Variants in AMD1 observed in about 807,000 individuals in gnomAD.
The protein encoded by AMD1 is S-adenosylmethionine decarboxylase proenzyme.
Under a neutral mutation model 40.2 loss-of-function variants are expected in AMD1, and 11 were observed. The ratio of observed to expected loss-of-function variants is 0.27; its 90% CI spans 0.17 to 0.45. AMD1 has a LOEUF of 0.45. Among genes scored for constraint, AMD1 ranks in the 20% least tolerant of loss-of-function variants. The pLI is 1.00. For synonymous variants in AMD1, 121 were observed against 130.8 expected (o/e 0.93, Z 0.51); for missense variants, 257 against 410.2 (o/e 0.63, Z 3.23).
the AMD1 span, among the ~76,000 whole-genome samples, chr6:110,826,868 T>C: frequency 6.6e-6 from 1 of 151,854 alleles, no homozygotes; most frequent in Non-Finnish European, 1.5e-5. Context: ...ATTTTTGTAT[T>C]CTTAGTAGCG....
chr6:110,892,094 G>C (rs1786053877), intron 4 of AMD1, 67 bp from the exon 5 acceptor site: 2 of 1,520,382 alleles, frequency 1.3e-6, no homozygotes, highest in Non-Finnish European at 1.8e-6. Context: ...TATTGTGGAA[G>C]GGTAGTAACA....
chr6:110,838,597 G>C, the AMD1 span, among the ~76,000 whole-genome samples: 1 of 150,350 alleles, frequency 6.7e-6, no homozygotes, highest in Non-Finnish European at 1.5e-5. Flanking sequence ...AGTGGGTCAC[G>C]CCTGTAATCC....
At chr6:110,875,527 T>G in intron 1 of AMD1, 1 of 249,706 alleles carries the variant, frequency 4.0e-6, no homozygotes. Context: ...CGGGGTGGTT[T>G]TGCGGCCCGC....
intron 1 of AMD1, among the ~76,000 whole-genome samples, chr6:110,883,224 G>A (rs1785500258): frequency 6.6e-6 from 1 of 152,200 alleles, no homozygotes; most frequent in Admixed American, 6.5e-5. Flanking sequence ...GCATTGTTGA[G>A]CAGCTATCCA....
intron 1 of AMD1, among the ~76,000 whole-genome samples, chr6:110,885,427 T>G (rs139007722): frequency 2.9e-5 from 3 of 103,462 alleles, no homozygotes; most frequent in African/African-American, 1.1e-4. Context: ...TTTTGTTGTT[T>G]TTGTTTTGTT....
chr6:110,877,909 T>G (rs1785200822), intron 1 of AMD1, among the ~76,000 whole-genome samples: 1 of 152,122 alleles, frequency 6.6e-6, no homozygotes, highest in South Asian at 2.1e-4. Context: ...TAAAAACGAT[T>G]AAGAGAATGA....
At chr6:110,822,305 T>C in the AMD1 span, among the ~76,000 whole-genome samples, 1 of 152,128 alleles carries the variant, frequency 6.6e-6, no homozygotes, top group African/African-American at 2.4e-5. Context: ...TATGAACAAC[T>C]CTGTGCACAC....
chr6:110,831,244 T>C, the AMD1 span, among the ~76,000 whole-genome samples: 25 of 151,836 alleles, frequency 1.6e-4, no homozygotes, highest in Middle Eastern at 3.4e-3. Context: ...TCAAGACCAG[T>C]CTGGCCAACA....
chr6:110,858,120 A>G, the AMD1 span: 1 of 524,288 alleles, frequency 1.9e-6, no homozygotes, highest in Non-Finnish European at 3.6e-6. Flanking sequence ...CTGGGATTAC[A>G]ACTGTGAGCC....
the AMD1 span, among the ~76,000 whole-genome samples, chr6:110,832,977 C>G: frequency 6.6e-6 from 1 of 152,236 alleles, no homozygotes; most frequent in South Asian, 2.1e-4. Context: ...CCCACCACCA[C>G]GCCTGGCCAA....
the AMD1 span, among the ~76,000 whole-genome samples, chr6:110,867,400 C>G: frequency 2.6e-5 from 4 of 152,094 alleles, no homozygotes; most frequent in Non-Finnish European, 4.4e-5. Context: ...TGTGGTGGCT[C>G]ACACCTGTAA....
the AMD1 span, among the ~76,000 whole-genome samples, chr6:110,817,163 G>A: frequency 3.3e-5 from 5 of 152,294 alleles, 2 homozygotes; most frequent in South Asian, 1.0e-3. Context: ...GGAGGACAAA[G>A]AAGGGAATTG....
chr6:110,892,054 CTAA>C (rs1786049794), intron 4 of AMD1, 104 bp from the exon 5 acceptor site: 2 of 1,298,298 alleles, frequency 1.5e-6, no homozygotes, highest in East Asian at 4.6e-5. Context: ...GATGACATTT[CTAA>C]TAAGTGGCAA....
intron 2 of AMD1, 145 bp downstream of exon 2, chr6:110,887,736 A>C (rs111858013): frequency 1.9e-6 from 1 of 526,290 alleles, no homozygotes. Flanking sequence ...CCCAGGCTGG[A>C]GTGCAATGGC....
the AMD1 span, among the ~76,000 whole-genome samples, chr6:110,820,168 T>C: frequency 1.3e-5 from 2 of 152,176 alleles, no homozygotes; most frequent in East Asian, 3.9e-4. Flanking sequence ...GCCATTCTTT[T>C]GTTTACTTCT....
At position 110,894,536 on chromosome 6, in the gene AMD1, A is replaced by G. The variant is rs1335891088; in HGVS notation, c.*920A>G. 1 of 152,254 alleles carries G rather than the reference A, an allele frequency of 6.6e-6. No homozygotes were observed. Among genetic ancestry groups the G allele is most frequent in the Non-Finnish European group, 1.5e-5 (1 of 68,042 alleles). 9.4% of individuals were successfully genotyped at this position (152,254 alleles called of 1,614,324 possible). A position where few individuals can be genotyped will look rare whatever the true frequency, so the allele number is the denominator to read the frequency against. ...AACATACAATTCTGTGTTCCTCAGT[A>G]AATGAGATTAGCGTCTAATGAGTAG... On this transcript the variant is annotated 3_prime_UTR_variant, in exon 9 of 9. Transcript: ENST00000368885.
the AMD1 span, among the ~76,000 whole-genome samples, chr6:110,837,638 G>A: frequency 7.3e-6 from 1 of 137,558 alleles, no homozygotes; most frequent in Non-Finnish European, 1.5e-5. Context: ...TTGAACTCAG[G>A]AGGCGGAGGT....
Position 110,893,675 on chromosome 6 carries a change from T to C in AMD1, c.*59T>C, listed in dbSNP as rs1786163194. 1.3e-6 allele frequency: 2 copies of C among 1,579,182 alleles called. No individual in the cohort carries two copies. The highest frequency in any genetic ancestry group is 2.2e-5 in the South Asian group (2 of 89,234). On this transcript the variant is annotated 3_prime_UTR_variant, in exon 9 of 9. Coordinates refer to ENST00000368885, the MANE Select transcript of AMD1 (RefSeq NM_001634.6). ...ACACATGTAGAAGGTGGTGGATGCT[T>C]TCTAGATGTCGATGCTGGGGGCAGT...
intron 1 of AMD1, among the ~76,000 whole-genome samples, chr6:110,878,171 C>G (rs1193642853): frequency 6.6e-6 from 1 of 152,188 alleles, no homozygotes; most frequent in East Asian, 1.9e-4. Context: ...ACGCATTCTT[C>G]TGGGAAACAA....
Sources: gnomAD v4.1 joint callset for allele counts (sites outside exome capture counted in the v4.1 genomes callset) on GRCh38, gnomAD v4.1.1 for gene constraint, MANE v1.5 for transcripts, NCBI Gene and HGNC (gene_info 2026-07-23, HGNC 2026-07-21) for gene names.